Variants in DIP2B observed in about 807,000 individuals in gnomAD.
DIP2B encodes DIP2 acetate--CoA ligase B (putative), also known as disco-interacting protein 2 homolog B.
In DIP2B, 76 loss-of-function variants were observed where a neutral mutation model predicts 198.0. That is an observed-to-expected ratio of 0.38 (90% CI 0.32 to 0.46). DIP2B has a LOEUF of 0.46. DIP2B is among the 20% of genes least tolerant of loss of function. The probability of loss-of-function intolerance (pLI) is 0.99; values close to 1 mark genes in which losing one functional copy is unlikely to be tolerated. For synonymous variants in DIP2B, 701 were observed against 739.1 expected, an observed-to-expected ratio of 0.95 and a Z score of 0.84; for missense variants, 1,559 against 1,978.4, an observed-to-expected ratio of 0.79 and a Z score of 4.02.
chr12:50,600,827 C>A (rs1227442070), intron 1 of DIP2B, among the ~76,000 whole-genome samples: 1 of 151,878 alleles, frequency 6.6e-6, no homozygotes, highest in Admixed American at 6.6e-5. Context: ...CCCCTGGAAA[C>A]CTCTTCCCAA....
intron 1 of DIP2B, among the ~76,000 whole-genome samples, chr12:50,543,923 T>TC (rs1958350892): frequency 4.6e-5 from 1 of 21,698 alleles, no homozygotes; most frequent in African/African-American, 1.0e-4. Context: ...GACTCAGCCT[T>TC]TAAAAAAAAA....
intron 12 of DIP2B, among the ~76,000 whole-genome samples, chr12:50,687,120 A>G (rs1939145377): frequency 6.6e-6 from 1 of 152,204 alleles, no homozygotes; most frequent in South Asian, 2.1e-4. Flanking sequence ...TTTGATATTG[A>G]GGTTGGTATA....
At position 50,743,013 on chromosome 12, in the gene DIP2B, G is replaced by A. The variant is rs79692765; in HGVS notation, c.4478+1474G>A. On this transcript the variant is annotated intron_variant, in intron 37 of 37. Coordinates refer to ENST00000301180, the MANE Select transcript of DIP2B (RefSeq NM_173602.3). ...AAAGCATCCAGGGAAGCTGGGTGCT[G>A]TGGTTACTTTGTCATTTTAGACATT... 1.6e-3 allele frequency among the ~76,000 whole-genome samples: 246 copies of A among 152,328 alleles called. 4 individuals carry two copies. In the East Asian group the frequency reaches 0.039, roughly 24 times the overall value.
intron 23 of DIP2B, among the ~76,000 whole-genome samples, chr12:50,716,034 G>T (rs1287059096): frequency 6.6e-6 from 1 of 152,190 alleles, no homozygotes; most frequent in Admixed American, 6.5e-5. Flanking sequence ...GCACACAGAA[G>T]AACATCCAGG....
chr12:50,742,394 C>CAAAAAAAAAAAAAAAAA (rs59566626), intron 37 of DIP2B, among the ~76,000 whole-genome samples: 23 of 47,476 alleles, frequency 4.8e-4, no homozygotes, highest in East Asian at 2.1e-3. Flanking sequence ...GAGACTGTCT[C>CAAAAAAAAAAAAAAAAA]AAAAAAAAAA....
chr12:50,681,319 C>T (rs1000644531), intron 9 of DIP2B, among the ~76,000 whole-genome samples: 2 of 151,730 alleles, frequency 1.3e-5, no homozygotes, highest in Non-Finnish European at 2.9e-5. Flanking sequence ...ACCTGTAGTC[C>T]CAGCTACTCG....
At chr12:50,526,195 G>T (rs778664900) in intron 1 of DIP2B, among the ~76,000 whole-genome samples, 1 of 152,154 alleles carries the variant, frequency 6.6e-6, no homozygotes, top group Non-Finnish European at 1.5e-5. Context: ...TCTTTAGATG[G>T]TGGCAGCTTT....
intron 1 of DIP2B, among the ~76,000 whole-genome samples, chr12:50,609,258 G>A (rs1959011133): frequency 6.6e-6 from 1 of 152,216 alleles, no homozygotes. Context: ...TATGGTTCTG[G>A]TGGAGACACC....
At chr12:50,738,862 A>G (rs189979031) in intron 35 of DIP2B, among the ~76,000 whole-genome samples, 1 of 152,326 alleles carries the variant, frequency 6.6e-6, no homozygotes, top group East Asian at 1.9e-4. Flanking sequence ...ATGTATTAAC[A>G]CCTGCATCTG....
intron 21 of DIP2B, among the ~76,000 whole-genome samples, chr12:50,706,980 T>TTA (rs1410103653): frequency 6.6e-6 from 1 of 152,224 alleles, no homozygotes; most frequent in Non-Finnish European, 1.5e-5. Context: ...ACTTCCTGCA[T>TTA]TTCTTCAATG....
At chr12:50,575,491 T>A (rs1043694125) in intron 1 of DIP2B, among the ~76,000 whole-genome samples, 17 of 151,866 alleles carry the variant, frequency 1.1e-4, no homozygotes, top group South Asian at 8.3e-4. Context: ...CAAGCCATCC[T>A]CCCACCTCAG....
In DIP2B at chr12:50,737,009, T is replaced by G. The variant is rs921503206; in HGVS notation, c.4102-27T>G. On this transcript the variant is annotated intron_variant, in intron 34 of 37. Transcript: ENST00000301180. Reference sequence around the variant, plus strand: ...GGTCATTAGATTTCACTGAACTCAATCTTTGTATTTTCCCTTTGATTCTTA... The same window carrying G: ...GGTCATTAGATTTCACTGAACTCAAGCTTTGTATTTTCCCTTTGATTCTTA... 1.1e-5 allele frequency: 18 copies of G among 1,609,506 alleles called. No individual in the cohort carries two copies. In the Admixed American group the frequency reaches 3.0e-4, roughly 27 times the overall value.
chr12:50,646,660 G>A (rs1306766145), intron 3 of DIP2B, among the ~76,000 whole-genome samples: 1 of 152,068 alleles, frequency 6.6e-6, no homozygotes, highest in Non-Finnish European at 1.5e-5. Flanking sequence ...GGCCTCAAGT[G>A]ATCCACCCAC....
chr12:50,590,807 T>C (rs530642263), intron 1 of DIP2B, among the ~76,000 whole-genome samples: 2 of 152,280 alleles, frequency 1.3e-5, no homozygotes, highest in Admixed American at 6.5e-5. Flanking sequence ...TTTGATGTTA[T>C]GAAATTTTAG....
intron 1 of DIP2B, among the ~76,000 whole-genome samples, chr12:50,602,903 G>A (rs927392239): frequency 3.1e-4 from 43 of 139,156 alleles, no homozygotes; most frequent in Admixed American, 2.7e-3. Context: ...GGTGGCTCAC[G>A]CCTGTAATCC....
chr12:50,551,230 C>T (rs1352566525), intron 1 of DIP2B, among the ~76,000 whole-genome samples: 1 of 152,156 alleles, frequency 6.6e-6, no homozygotes, highest in Non-Finnish European at 1.5e-5. Context: ...TTGAGACCAG[C>T]CTGGCCAACA....
intron 1 of DIP2B, among the ~76,000 whole-genome samples, chr12:50,623,051 A>C (rs1937845920): frequency 6.6e-6 from 1 of 152,114 alleles, no homozygotes; most frequent in African/African-American, 2.4e-5. Flanking sequence ...TTTTGAATTA[A>C]TATAAATCAG....
chr12:50,740,744 G>C (rs1317463377), intron 36 of DIP2B, among the ~76,000 whole-genome samples: 1 of 152,154 alleles, frequency 6.6e-6, no homozygotes, highest in East Asian at 1.9e-4. Flanking sequence ...TAGAAACCAG[G>C]ACTAGTTTCC....
chr12:50,638,445 T>G (rs79659617), intron 2 of DIP2B, among the ~76,000 whole-genome samples: 1 of 152,370 alleles, frequency 6.6e-6, no homozygotes, highest in East Asian at 1.9e-4. Context: ...ATATTTTGTG[T>G]TCTTTTATCA....
Sources: gnomAD v4.1 joint callset for allele counts (sites outside exome capture counted in the v4.1 genomes callset) on GRCh38, gnomAD v4.1.1 for gene constraint, MANE v1.5 for transcripts, NCBI Gene and HGNC (gene_info 2026-07-23, HGNC 2026-07-21) for gene names.